HERC4: variants seen among roughly 807,000 people sequenced by gnomAD.
HERC4 encodes the protein HECT and RLD domain containing E3 ubiquitin protein ligase 4, also known as probable E3 ubiquitin-protein ligase HERC4.
A neutral mutation model predicts 124.3 loss-of-function variants in HERC4; 28 were observed. That is an observed-to-expected ratio of 0.23 (90% CI 0.17 to 0.31). The LOEUF (loss-of-function observed/expected upper bound fraction) is 0.31, where lower values mean the gene tolerates loss of function less well. HERC4 is among the 10% of genes least tolerant of loss of function. The pLI is 1.00. For missense variants in HERC4, 713 were observed against 1,229.3 expected, an observed-to-expected ratio of 0.58 and a Z score of 6.28; for synonymous variants, 407 against 421.5, an observed-to-expected ratio of 0.97 and a Z score of 0.42.
chr10:67,972,783 AAAC>A (rs1163863219), intron 15 of HERC4, among the ~76,000 whole-genome samples: 2 of 152,202 alleles, frequency 1.3e-5, no homozygotes, highest in African/African-American at 2.4e-5. Flanking sequence ...AAGACTCAAC[AAAC>A]AATTGCAAAA....
chr10:68,014,884 G>A (rs1236336155), intron 8 of HERC4, among the ~76,000 whole-genome samples: 4 of 152,172 alleles, frequency 2.6e-5, no homozygotes, highest in Non-Finnish European at 5.9e-5. Flanking sequence ...GTTTTACTGA[G>A]GGGACATGGC....
intron 8 of HERC4, among the ~76,000 whole-genome samples, chr10:68,021,828 A>AAATAAAC: frequency 6.6e-6 from 1 of 151,890 alleles, no homozygotes; most frequent in South Asian, 2.1e-4. Context: ...AATAAATAAA[A>AAATAAAC]GGCATTCATT....
At chr10:67,944,890 C>A (rs1319997297) in intron 19 of HERC4, among the ~76,000 whole-genome samples, 1 of 152,084 alleles carries the variant, frequency 6.6e-6, no homozygotes, top group African/African-American at 2.4e-5. Context: ...CAGGCTATTT[C>A]AAAGTACACA....
chr10:67,976,811 TG>T (rs1399819977), intron 15 of HERC4, among the ~76,000 whole-genome samples: 1 of 152,140 alleles, frequency 6.6e-6, no homozygotes, highest in African/African-American at 2.4e-5. Context: ...AAAGTAAAAC[TG>T]GATCAAACTT....
chr10:67,933,973 T>C (rs2032090690), intron 22 of HERC4, among the ~76,000 whole-genome samples: 2 of 152,160 alleles, frequency 1.3e-5, no homozygotes, highest in South Asian at 2.1e-4. Context: ...TATTAAAGAA[T>C]TGTAACAAAA....
chr10:67,991,217 GT>G lies in HERC4; in HGVS notation c.1272-19del, dbSNP rs769065590. Reference sequence around the variant, plus strand: ...CTATCTCACTAAAAAATTTAAAAAAGTTTTTTTAATCATAGAATCAGAAATT... The same window carrying G: ...CTATCTCACTAAAAAATTTAAAAAAGTTTTTTAATCATAGAATCAGAAATT... On this transcript the variant is annotated intron_variant, in intron 11 of 24. Transcript: ENST00000373700. The G allele has an allele frequency of 1.2e-5, 17 of 1,430,488 alleles. No homozygotes were observed. The highest frequency in any genetic ancestry group is 4.5e-5 in the Admixed American group (2 of 44,588). 88.6% of individuals were successfully genotyped at this position (1,430,488 alleles called of 1,614,324 possible). A position where few individuals can be genotyped will look rare whatever the true frequency, so the allele number is the denominator to read the frequency against.
intron 24 of HERC4, 50 bp from the exon 25 acceptor site, chr10:67,923,189 A>G: frequency 7.3e-7 from 1 of 1,377,832 alleles, no homozygotes; most frequent in Non-Finnish European, 1.0e-6. Context: ...AAAAAGATAC[A>G]GTAGCAAGTA....
intron 4 of HERC4, 51 bp downstream of exon 4, chr10:68,044,353 A>T (rs772844602): frequency 1.3e-6 from 2 of 1,551,898 alleles, no homozygotes; most frequent in African/African-American, 2.8e-5. Flanking sequence ...TTAGATTAAC[A>T]AATTTATTTT....
chr10:68,063,999 T>G (rs1206353547), intron 3 of HERC4, among the ~76,000 whole-genome samples: 2 of 151,266 alleles, frequency 1.3e-5, no homozygotes, highest in Non-Finnish European at 2.9e-5. Flanking sequence ...TCTCAGCACT[T>G]TGGGAGGGCG....
At chr10:67,973,833 C>A (rs1020660748) in intron 15 of HERC4, among the ~76,000 whole-genome samples, 1 of 151,924 alleles carries the variant, frequency 6.6e-6, no homozygotes, top group East Asian at 1.9e-4. Flanking sequence ...GTGGGCAGAT[C>A]ACAAGGGCAA....
chr10:68,052,856 A>C (rs1049449876), intron 3 of HERC4, among the ~76,000 whole-genome samples: 1 of 152,182 alleles, frequency 6.6e-6, no homozygotes, highest in Non-Finnish European at 1.5e-5. Context: ...AGAGTGAAAA[A>C]TTCTATATTC....
At chr10:68,047,266 GAGAA>G (rs1297550378) in intron 3 of HERC4, among the ~76,000 whole-genome samples, 2 of 149,702 alleles carry the variant, frequency 1.3e-5, no homozygotes, top group African/African-American at 4.9e-5. Context: ...AAAGTTCACA[GAGAA>G]AGAAACAGAA....
intron 3 of HERC4, among the ~76,000 whole-genome samples, chr10:68,054,193 TA>T (rs960768654): frequency 1.3e-5 from 2 of 152,160 alleles, no homozygotes; most frequent in African/African-American, 4.8e-5. Flanking sequence ...TACTATAAAA[TA>T]AAAAAGATAC....
At chr10:68,035,378 G>A (rs1300394447) in intron 5 of HERC4, among the ~76,000 whole-genome samples, 3 of 152,042 alleles carry the variant, frequency 2.0e-5, no homozygotes, top group Non-Finnish European at 2.9e-5. Context: ...GGCTGGTCTC[G>A]AACTCCTGAC....
intron 7 of HERC4, among the ~76,000 whole-genome samples, chr10:68,026,667 C>A (rs560875279): frequency 2.0e-5 from 3 of 151,974 alleles, no homozygotes; most frequent in Non-Finnish European, 4.4e-5. Flanking sequence ...AAAGGTGAAA[C>A]CCTGTCACTA....
At chr10:67,935,593 T>C (rs1033136131) in intron 22 of HERC4, among the ~76,000 whole-genome samples, 12 of 152,336 alleles carry the variant, frequency 7.9e-5, no homozygotes, top group East Asian at 5.8e-4. Context: ...CCAGGTGTCC[T>C]CAAACCCACA....
chr10:68,013,898 C>A (rs1346471943), intron 9 of HERC4, 128 bp downstream of exon 9: 2 of 712,810 alleles, frequency 2.8e-6, no homozygotes, highest in Non-Finnish European at 4.6e-6. Context: ...ATACATTGTT[C>A]TATATTTTGC....
At chr10:67,955,251 C>T in intron 17 of HERC4, 121 bp from the exon 18 acceptor site, 1 of 790,638 alleles carries the variant, frequency 1.3e-6, no homozygotes, top group Non-Finnish European at 2.0e-6. Context: ...ACTGAATTAA[C>T]ATAGCACCTA....
chr10:68,056,937 T>C (rs2040578829), intron 3 of HERC4, among the ~76,000 whole-genome samples: 2 of 152,170 alleles, frequency 1.3e-5, no homozygotes, highest in South Asian at 2.1e-4. Context: ...CTAAAGTGAA[T>C]TTAAGGTCTG....
Sources: allele counts gnomAD v4.1 joint callset (sites outside exome capture counted in the v4.1 genomes callset), GRCh38; gene constraint gnomAD v4.1.1; transcripts MANE v1.5; gene names NCBI Gene and HGNC (gene_info 2026-07-23, HGNC 2026-07-21).